The following SIPA1L3 variants were observed in gnomAD, a reference collection of about 807,000 sequenced individuals.
SIPA1L3 encodes signal induced proliferation associated 1 like 3.
Under a neutral mutation model 150.1 loss-of-function variants are expected in SIPA1L3, and 59 were observed. The ratio of observed to expected loss-of-function variants is 0.39; its 90% confidence interval spans 0.32 to 0.49. SIPA1L3 has a LOEUF of 0.49. Among genes scored for constraint, SIPA1L3 ranks in the 20% least tolerant of loss-of-function variants. The probability of loss-of-function intolerance (pLI) is 0.86; values close to 1 mark genes in which losing one functional copy is unlikely to be tolerated. For missense variants in SIPA1L3, 2,211 were observed against 2,489.5 expected, an observed-to-expected ratio of 0.89 and a Z score of 2.38; for synonymous variants, 1,070 against 1,077.6, an observed-to-expected ratio of 0.99 and a Z score of 0.14.
In SIPA1L3 at chr19:37,931,768, T is replaced by TA. The variant is rs1036747447; in HGVS notation, c.-379+24413dup. On this transcript the variant is annotated intron_variant, in intron 1 of 21. Transcript: ENST00000222345. ...GACTCTGTCTCAAAATAAAATAAAATAAATAAATAAAGTAGTGGGTAAAAA... is the reference window on the plus strand; with the variant it reads ...GACTCTGTCTCAAAATAAAATAAAATAAAATAAATAAAGTAGTGGGTAAAAA... Among the ~76,000 whole-genome samples the TA allele has an allele frequency of 4.6e-5, 7 of 151,956 alleles. No individual in the cohort carries two copies. The East Asian group carries it at 9.7e-4, about 21-fold the overall frequency.
chr19:38,057,288 A>ATGTATATATATGTGTATATATG (rs1233856612), intron 2 of SIPA1L3, among the ~76,000 whole-genome samples: 50 of 145,682 alleles, frequency 3.4e-4, no homozygotes, highest in Admixed American at 4.7e-4. Context: ...ATATATATAT[A>ATGTATATATATGTGTATATATG]TGTATATATA....
intron 9 of SIPA1L3, among the ~76,000 whole-genome samples, chr19:38,129,014 T>C (rs1166572897): frequency 6.6e-6 from 1 of 152,202 alleles, no homozygotes; most frequent in East Asian, 1.9e-4. Flanking sequence ...TCACAGGAAA[T>C]GTAAGCCATT....
intron 1 of SIPA1L3, among the ~76,000 whole-genome samples, chr19:37,984,112 G>A (rs987221287): frequency 6.6e-6 from 1 of 152,120 alleles, no homozygotes; most frequent in Non-Finnish European, 1.5e-5. Flanking sequence ...TTGCAGATGC[G>A]CTGTCCTTCC....
intron 3 of SIPA1L3, among the ~76,000 whole-genome samples, chr19:38,083,710 G>A (rs1600037384): frequency 6.6e-6 from 1 of 152,170 alleles, no homozygotes; most frequent in South Asian, 2.1e-4. Context: ...TCTTGGAACT[G>A]CCCGGCGCAG....
intron 10 of SIPA1L3, among the ~76,000 whole-genome samples, chr19:38,136,001 G>C (rs910197282): frequency 4.6e-5 from 7 of 151,652 alleles, no homozygotes; most frequent in African/African-American, 1.7e-4. Context: ...GAATGCATGG[G>C]GTCTTCCTCC....
At chr19:38,188,463 C>T (rs531100104) in intron 16 of SIPA1L3, among the ~76,000 whole-genome samples, 4 of 151,796 alleles carry the variant, frequency 2.6e-5, no homozygotes, top group South Asian at 2.1e-4. Context: ...GGATTACAGG[C>T]GTGAACCACC....
intron 10 of SIPA1L3, among the ~76,000 whole-genome samples, chr19:38,139,391 T>A (rs1971520098): frequency 6.6e-6 from 1 of 152,148 alleles, no homozygotes; most frequent in African/African-American, 2.4e-5. Flanking sequence ...AAAGACCTGT[T>A]ATCAGGAGAG....
intron 9 of SIPA1L3, among the ~76,000 whole-genome samples, chr19:38,127,536 G>A (rs1224768652): frequency 6.6e-6 from 1 of 152,040 alleles, no homozygotes; most frequent in East Asian, 1.9e-4. Flanking sequence ...TGTCACCCCG[G>A]CTGGAGTGCA....
chr19:37,989,926 T>C (rs1368999120), intron 1 of SIPA1L3, among the ~76,000 whole-genome samples: 1 of 151,998 alleles, frequency 6.6e-6, no homozygotes, highest in East Asian at 1.9e-4. Context: ...TCAGTCGGGG[T>C]GCTGGGGCCT....
Position 38,082,118 on chromosome 19 carries a change from G to T in SIPA1L3, c.553G>T (p.Gly185Trp). 6.2e-7 allele frequency: 1 copy of T among 1,607,022 alleles called. No homozygotes were observed. Among genetic ancestry groups the T allele is most frequent in the South Asian group, 1.1e-5 (1 of 90,986 alleles). ...CAGCGAGTGTGACGCGGAGGACGCG[G>T]GGGAGCCGCGGGGGGCCCGGCACAC... ...TLSECDAEDA[G>W]EPRGARHTGA... Residue 185 changes from glycine (G) to tryptophan (W), a missense_variant, in exon 3 of 22, where the codon GGG becomes TGG. By Grantham distance (184) the Gly-to-Trp change is radical. Around this residue, in one of 5 missense-constraint regions of SIPA1L3, gnomAD observed 587 missense variants for 534.5 expected, o/e 1.10. Transcript: ENST00000222345.
rs1281751251 is a variant in SIPA1L3, at chr19:38,053,823, C to T, written c.-311+24667C>T. On this transcript the variant is annotated intron_variant, in intron 2 of 21. Coordinates refer to ENST00000222345, the MANE Select transcript of SIPA1L3 (RefSeq NM_015073.3). ...TCAGGTGATCCTCTCGCCGTGGCCTCCCACAGTGCTGGGATTACAGGCGTG... is the reference window on the plus strand; with the variant it reads ...TCAGGTGATCCTCTCGCCGTGGCCTTCCACAGTGCTGGGATTACAGGCGTG... Among the ~76,000 whole-genome samples the T allele has an allele frequency of 6.6e-5, 10 of 152,122 alleles. No homozygotes were observed. The East Asian group carries it at 2.0e-3, about 30-fold the overall frequency.
At chr19:38,117,620 GAAAA>G (rs562060967) in intron 8 of SIPA1L3, among the ~76,000 whole-genome samples, 90 of 143,560 alleles carry the variant, frequency 6.3e-4, no homozygotes, top group African/African-American at 2.2e-3. Flanking sequence ...CTCCATCTCA[GAAAA>G]AAAAAAAAGA....
At chr19:38,049,560 A>G (rs1312514066) in intron 2 of SIPA1L3, among the ~76,000 whole-genome samples, 4 of 152,154 alleles carry the variant, frequency 2.6e-5, no homozygotes, top group Non-Finnish European at 5.9e-5. Context: ...TCAAGTGAGC[A>G]TCCGCCTACC....
At chr19:38,181,504 C>G (rs531171792) in intron 15 of SIPA1L3, among the ~76,000 whole-genome samples, 1 of 151,714 alleles carries the variant, frequency 6.6e-6, no homozygotes, top group Non-Finnish European at 1.5e-5. Flanking sequence ...CCCACCCATC[C>G]CCCACAAAAT....
chr19:38,077,509 A>G (rs1455914704), intron 2 of SIPA1L3, among the ~76,000 whole-genome samples: 1 of 152,004 alleles, frequency 6.6e-6, no homozygotes, highest in Non-Finnish European at 1.5e-5. Flanking sequence ...CATAAGTGCT[A>G]AGGAGAAAAA....
rs1007356252 is a variant in SIPA1L3, at chr19:38,041,520, G to A, written c.-311+12364G>A. On this transcript the variant is annotated intron_variant, in intron 2 of 21. Transcript: ENST00000222345. ...TCTCAAACTCCTGACCTCGTGATCCGCCTGCCTCAGCCTCCCAAAGTGCTG... is the reference window on the plus strand; with the variant it reads ...TCTCAAACTCCTGACCTCGTGATCCACCTGCCTCAGCCTCCCAAAGTGCTG... 1.5e-4 allele frequency among the ~76,000 whole-genome samples: 22 copies of A among 151,260 alleles called. 1 individual carries two copies. Among genetic ancestry groups the A allele is most frequent in the Non-Finnish European group, 1.5e-5 (1 of 67,804 alleles).
intron 2 of SIPA1L3, among the ~76,000 whole-genome samples, chr19:38,039,369 GA>G (rs1455218423): frequency 2.2e-5 from 2 of 88,890 alleles, no homozygotes; most frequent in African/African-American, 9.0e-5. Context: ...CCAAAGAGAT[GA>G]AAAAAAGTTT....
chr19:37,977,588 C>A (rs554593115), intron 1 of SIPA1L3, among the ~76,000 whole-genome samples: 4 of 152,278 alleles, frequency 2.6e-5, no homozygotes, highest in South Asian at 4.1e-4. Flanking sequence ...TCCACGCCCC[C>A]CCCCACAGAA....
chr19:38,035,702 C>A (rs1463223350), intron 2 of SIPA1L3, among the ~76,000 whole-genome samples: 1 of 151,644 alleles, frequency 6.6e-6, no homozygotes, highest in African/African-American at 2.4e-5. Flanking sequence ...CACGAGAAGT[C>A]GCATAATAGA....
Sources: allele counts gnomAD v4.1 joint callset (sites outside exome capture counted in the v4.1 genomes callset), GRCh38; gene constraint gnomAD v4.1.1; regional missense constraint gnomAD v4.1.1; transcripts MANE v1.5; gene names NCBI Gene and HGNC (gene_info 2026-07-23, HGNC 2026-07-21).